PTPRN2: variants seen among roughly 807,000 people sequenced by gnomAD.
PTPRN2 encodes the protein receptor-type tyrosine-protein phosphatase N2.
PTPRN2 carries 74 observed loss-of-function variants against 118.8 expected under a neutral mutation model. The observed-to-expected ratio is 0.62, with a 90% CI of 0.52 to 0.76. The LOEUF (loss-of-function observed/expected upper bound fraction) is 0.76, where lower values mean the gene tolerates loss of function less well. PTPRN2 is among the 30% of genes least tolerant of loss of function. The pLI, the probability that PTPRN2 is intolerant of heterozygous loss-of-function variation, is 0.00. For synonymous variants in PTPRN2, 641 were observed against 608.0 expected (o/e 1.05, Z -0.80); for missense variants, 1,481 against 1,394.4 (o/e 1.06, Z -0.99).
In PTPRN2 at chr7:157,733,056, G is replaced by A. The variant is rs1412766516; in HGVS notation, c.1789-50119C>T. 6.1e-5 allele frequency among the ~76,000 whole-genome samples: 2 copies of A among 32,526 alleles called. 1 individual carries two copies. Among genetic ancestry groups the A allele is most frequent in the African/African-American group, 3.2e-4 (2 of 6,302 alleles). The allele number at this position is 32,526 out of a possible 152,430, so 21.3% of individuals were successfully genotyped here. ...GCGCCCAGCACAGTTACCCTTTTCC[G>A]TCCCACGCGCCCAGCACAGTTACTC... On this transcript the variant is annotated intron_variant, in intron 12 of 22. Transcript: ENST00000389418.
intron 3 of PTPRN2, among the ~76,000 whole-genome samples, chr7:158,310,043 G>A (rs763119495): frequency 6.6e-6 from 1 of 152,186 alleles, no homozygotes; most frequent in Non-Finnish European, 1.5e-5. Context: ...CACCAAATAT[G>A]GGGGAGCCTC....
intron 12 of PTPRN2, among the ~76,000 whole-genome samples, chr7:157,850,922 T>G (rs1313805179): frequency 6.6e-6 from 1 of 152,256 alleles, no homozygotes; most frequent in African/African-American, 2.4e-5. Flanking sequence ...ATTAGGATTT[T>G]TCAGATCTTC....
chr7:157,617,702 C>T lies in PTPRN2; in HGVS notation c.2344+3660G>A, dbSNP rs1802885844. 2 of 152,274 alleles carry T rather than the reference C, an allele frequency of 1.3e-5. No homozygotes were observed. Among genetic ancestry groups the T allele is most frequent in the Non-Finnish European group, 2.9e-5 (2 of 68,062 alleles). The allele number at this position is 152,274 out of a possible 1,614,324, so 9.4% of individuals were successfully genotyped here. A position where few individuals can be genotyped will look rare whatever the true frequency, so the allele number is the denominator to read the frequency against. On this transcript the variant is annotated intron_variant, in intron 15 of 22. Coordinates refer to ENST00000389418, the MANE Select transcript of PTPRN2 (RefSeq NM_002847.5). The surrounding 1 kb of genome is among the most constrained non-coding windows in gnomAD (Gnocchi z 7.5). ...AGGGCCTGGGAGATGCCCACAGCCGCGCCTCTGGCTGTGAGGCAGCTGTGG... is the reference window on the plus strand; with the variant it reads ...AGGGCCTGGGAGATGCCCACAGCCGTGCCTCTGGCTGTGAGGCAGCTGTGG...
intron 6 of PTPRN2, among the ~76,000 whole-genome samples, chr7:158,149,398 C>T (rs992943718): frequency 6.6e-6 from 1 of 151,336 alleles, no homozygotes; most frequent in African/African-American, 2.4e-5. Flanking sequence ...AGTATAAACT[C>T]TTAAAACATA....
At position 158,115,034 on chromosome 7, in the gene PTPRN2, T is replaced by C. The variant is rs540596136; in HGVS notation, c.1557-4119A>G. Among the ~76,000 whole-genome samples, 8 of 152,166 alleles carry C rather than the reference T, an allele frequency of 5.3e-5. 1 individual carries two copies. The highest frequency in any genetic ancestry group is 1.9e-4 in the African/African-American group (8 of 41,518). On this transcript the variant is annotated intron_variant, in intron 9 of 22. Transcript: ENST00000389418. The stretch of plus-strand genomic sequence containing the variant: ...CAACAGGGCCTAGGCAAGGGCACTG[T>C]CCCACTCTCCTGGTCCCAGCTTCTC...
intron 21 of PTPRN2, among the ~76,000 whole-genome samples, chr7:157,552,634 A>T (rs1016974278): frequency 1.3e-5 from 2 of 152,276 alleles, no homozygotes; most frequent in African/African-American, 4.8e-5. Flanking sequence ...TATTACAACC[A>T]GTCTTGTGTA....
chr7:157,776,441 TTCCTCACTCTCCTCC>T (rs1803265557), intron 12 of PTPRN2, among the ~76,000 whole-genome samples: 3 of 49,382 alleles, frequency 6.1e-5, no homozygotes, highest in Admixed American at 2.2e-4. Context: ...GTCTCTCCTC[TTCCTCACTCTCCTCC>T]TCCTCCCTCT....
chr7:157,780,265 A>G lies in PTPRN2; in HGVS notation c.1789-97328T>C, dbSNP rs1256271156. Among the ~76,000 whole-genome samples the G allele has an allele frequency of 6.6e-6, 1 of 152,148 alleles. No individual in the cohort carries two copies. The highest frequency in any genetic ancestry group is 2.4e-5 in the African/African-American group (1 of 41,428). On this transcript the variant is annotated intron_variant, in intron 12 of 22. Coordinates refer to ENST00000389418, the MANE Select transcript of PTPRN2 (RefSeq NM_002847.5). The surrounding 1 kb of genome is among the most constrained non-coding windows in gnomAD (Gnocchi z 4.5). ...CATTTGCTCGCTCCCCTTGCTCCTT[A>G]CACACGGCCTTCCCACTCCCAGCTA...
At chr7:158,333,376 G>T (rs370949754) in intron 2 of PTPRN2, among the ~76,000 whole-genome samples, 989 of 34,470 alleles carry the variant, frequency 0.029, 1 homozygote, top group Middle Eastern at 0.083. Context: ...ACCCACACTC[G>T]CACCATAAGA....
At chr7:158,454,713 A>C (rs1818343537) in intron 2 of PTPRN2, among the ~76,000 whole-genome samples, 1 of 152,224 alleles carries the variant, frequency 6.6e-6, no homozygotes, top group Admixed American at 6.5e-5. Flanking sequence ...TGGTTGCTAT[A>C]GACAAAGAAG....
At chr7:158,144,679 G>A (rs769478657) in intron 6 of PTPRN2, among the ~76,000 whole-genome samples, 22 of 152,182 alleles carry the variant, frequency 1.4e-4, no homozygotes, top group Admixed American at 1.2e-3. Flanking sequence ...CAGGCATCCC[G>A]GGGTGGAGCG....
At chr7:157,927,685 G>A (rs1017432149) in intron 11 of PTPRN2, among the ~76,000 whole-genome samples, 2 of 150,896 alleles carry the variant, frequency 1.3e-5, no homozygotes, top group Non-Finnish European at 3.0e-5. Context: ...ATCACTCAGT[G>A]CACACGGGCA....
chr7:158,575,828 C>A (rs1828291548), intron 1 of PTPRN2, among the ~76,000 whole-genome samples: 2 of 151,804 alleles, frequency 1.3e-5, no homozygotes, highest in African/African-American at 4.8e-5. Flanking sequence ...CCCAAAGAGA[C>A]AAAATAGTTA....
At chr7:157,600,391 G>A (rs560249639) in intron 16 of PTPRN2, among the ~76,000 whole-genome samples, 111 of 152,332 alleles carry the variant, frequency 7.3e-4, no homozygotes, top group African/African-American at 2.6e-3. Context: ...GGAATTTATT[G>A]GGAAATTGTA....
chr7:157,756,412 A>G (rs1425138617), intron 12 of PTPRN2, among the ~76,000 whole-genome samples: 2 of 151,658 alleles, frequency 1.3e-5, no homozygotes, highest in East Asian at 3.9e-4. Context: ...CTCCTGCCTC[A>G]GCCTCCCGAA....
At chr7:158,413,103 T>C (rs1267767776) in intron 2 of PTPRN2, among the ~76,000 whole-genome samples, 1 of 147,538 alleles carries the variant, frequency 6.8e-6, no homozygotes, top group Admixed American at 6.7e-5. Flanking sequence ...CCAGGACCCA[T>C]CCAGCACCCT....
At chr7:158,084,782 C>A (rs987653883) in intron 10 of PTPRN2, among the ~76,000 whole-genome samples, 22 of 144,386 alleles carry the variant, frequency 1.5e-4, no homozygotes, top group Non-Finnish European at 3.0e-5. Flanking sequence ...CTCATCCACA[C>A]CCACGATGCC....
In PTPRN2 at chr7:158,473,443, A is replaced by T. The variant is rs1820015618; in HGVS notation, c.163+16292T>A. ...CGGGAGGGCAAGCTGCAGCCTCTGCACGGCCTCTGCTGTGTCTGTGCACCC... is the reference window on the plus strand; with the variant it reads ...CGGGAGGGCAAGCTGCAGCCTCTGCTCGGCCTCTGCTGTGTCTGTGCACCC... On this transcript the variant is annotated intron_variant, in intron 2 of 22. Coordinates refer to ENST00000389418, the MANE Select transcript of PTPRN2 (RefSeq NM_002847.5). Among the ~76,000 whole-genome samples, 2 of 152,232 alleles carry T rather than the reference A, an allele frequency of 1.3e-5. 1 individual carries two copies. The highest frequency in any genetic ancestry group is 4.1e-4 in the South Asian group (2 of 4,830).
intron 13 of PTPRN2, among the ~76,000 whole-genome samples, chr7:157,659,412 G>A (rs1371594401): frequency 1.7e-5 from 2 of 120,990 alleles, no homozygotes; most frequent in Non-Finnish European, 3.5e-5. Flanking sequence ...TGGCTGGGGG[G>A]ACTGGGCGGG....
Sources: allele counts gnomAD v4.1 joint callset (sites outside exome capture counted in the v4.1 genomes callset), GRCh38; gene constraint gnomAD v4.1.1; non-coding constraint Gnocchi (gnomAD v3.1); transcripts MANE v1.5; gene names NCBI Gene and HGNC (gene_info 2026-07-23, HGNC 2026-07-21).